PRLR: variants seen among roughly 807,000 people sequenced by gnomAD.
The protein encoded by PRLR is hPRL receptor.
Under a neutral mutation model 40.2 loss-of-function variants are expected in PRLR, and 13 were observed. The ratio of observed to expected loss-of-function variants is 0.32; its 90% confidence interval spans 0.21 to 0.51. PRLR has a LOEUF of 0.51. Ranked by LOEUF, PRLR falls within the 20% of genes least tolerant of loss-of-function variation. The pLI is 0.97. For synonymous variants in PRLR, 269 were observed against 278.7 expected, an observed-to-expected ratio of 0.97 and a Z score of 0.35; for missense variants, 656 against 747.3, an observed-to-expected ratio of 0.88 and a Z score of 1.42.
chr5:35,077,193 C>G (rs1021703680), intron 5 of PRLR, among the ~76,000 whole-genome samples: 33 of 152,144 alleles, frequency 2.2e-4, no homozygotes, highest in Non-Finnish European at 2.9e-4. Flanking sequence ...TCACACAAAA[C>G]AACATTAATC....
chr5:35,132,507 T>G (rs35381631), intron 1 of PRLR, among the ~76,000 whole-genome samples: 4 of 152,246 alleles, frequency 2.6e-5, no homozygotes, highest in Admixed American at 6.5e-5. Context: ...ACCCGTGTTC[T>G]TTTCACATCC....
chr5:35,148,266 A>C (rs1377690802), intron 1 of PRLR, among the ~76,000 whole-genome samples: 1 of 152,172 alleles, frequency 6.6e-6, no homozygotes, highest in Non-Finnish European at 1.5e-5. Context: ...ATTATTCCAT[A>C]CAAACCAACA....
At chr5:35,163,043 G>A (rs1312464208) in intron 1 of PRLR, among the ~76,000 whole-genome samples, 2 of 152,148 alleles carry the variant, frequency 1.3e-5, no homozygotes, top group African/African-American at 4.8e-5. Context: ...CGCACTGGGA[G>A]GAATACACAC....
At chr5:35,214,249 T>C (rs1005567018) in intron 1 of PRLR, among the ~76,000 whole-genome samples, 3 of 152,210 alleles carry the variant, frequency 2.0e-5, no homozygotes, top group Non-Finnish European at 4.4e-5. Context: ...CCTCCATGCT[T>C]ATCAGATCTG....
chr5:35,193,239 T>G (rs544829999), intron 1 of PRLR, among the ~76,000 whole-genome samples: 6 of 152,220 alleles, frequency 3.9e-5, no homozygotes, highest in African/African-American at 1.4e-4. Flanking sequence ...AAAATATATG[T>G]CTCTAGATAA....
intron 1 of PRLR, among the ~76,000 whole-genome samples, chr5:35,225,873 G>C (rs546669632): frequency 5.3e-5 from 8 of 152,206 alleles, no homozygotes; most frequent in African/African-American, 1.7e-4. Context: ...ATAGAGACGG[G>C]GTTTCACCGT....
Position 35,064,984 on chromosome 5 carries a change from G to T in PRLR, c.*105C>A. ...AAATGGAGCATGAAAGGAGCTGGGA[G>T]CTTTAGTAGTGTCAGTCTGACTACA... On this transcript the variant is annotated 3_prime_UTR_variant, in exon 10 of 10. Coordinates refer to ENST00000618457, the MANE Select transcript of PRLR (RefSeq NM_000949.7). 3 of 1,282,358 alleles carry T rather than the reference G, an allele frequency of 2.3e-6. No homozygotes were observed. Among genetic ancestry groups the T allele is most frequent in the Non-Finnish European group, 3.2e-6 (3 of 934,224 alleles). 79.4% of individuals were successfully genotyped at this position (1,282,358 alleles called of 1,614,324 possible). A position where few individuals can be genotyped will look rare whatever the true frequency, so the allele number is the denominator to read the frequency against.
At position 35,116,914 on chromosome 5, in the gene PRLR, T is replaced by A. The variant is rs1346364213; in HGVS notation, c.-44+1147A>T. Reference sequence around the variant, plus strand: ...AAAGCAGTGGTTTTTGGTAGGATAATTTTGTCCCCACCTGGAAGACATTTG... The same window carrying A: ...AAAGCAGTGGTTTTTGGTAGGATAAATTTGTCCCCACCTGGAAGACATTTG... On this transcript the variant is annotated intron_variant, in intron 2 of 9. Coordinates refer to ENST00000618457, the MANE Select transcript of PRLR (RefSeq NM_000949.7). 3.3e-5 allele frequency among the ~76,000 whole-genome samples: 5 copies of A among 152,268 alleles called. No homozygotes were observed. In the East Asian group the frequency reaches 9.7e-4, roughly 29 times the overall value.
intron 1 of PRLR, among the ~76,000 whole-genome samples, chr5:35,204,214 C>CA (rs536343549): frequency 0.13 from 14,284 of 113,872 alleles, 807 homozygotes; most frequent in Non-Finnish European, 0.14. Context: ...ATTTCTGTCT[C>CA]AAAAAAAAAA....
chr5:35,104,052 A>T (rs1240788881), intron 2 of PRLR, among the ~76,000 whole-genome samples: 1 of 152,110 alleles, frequency 6.6e-6, no homozygotes, highest in Admixed American at 6.5e-5. Context: ...GTTCACTTTT[A>T]TATCCCGTAC....
chr5:35,113,645 T>C, intron 2 of PRLR, among the ~76,000 whole-genome samples: 1 of 152,342 alleles, frequency 6.6e-6, no homozygotes, highest in African/African-American at 2.4e-5. Context: ...AATACAATGT[T>C]TTGCTGAAAC....
chr5:35,210,603 C>G (rs1186388779), intron 1 of PRLR, among the ~76,000 whole-genome samples: 1 of 152,214 alleles, frequency 6.6e-6, no homozygotes, highest in African/African-American at 2.4e-5. Flanking sequence ...TTATTTAGCT[C>G]ATTATGCTAA....
chr5:35,142,153 A>G (rs1009696902), intron 1 of PRLR, among the ~76,000 whole-genome samples: 1 of 152,254 alleles, frequency 6.6e-6, no homozygotes, highest in African/African-American at 2.4e-5. Context: ...TAGGTTGGCC[A>G]AACAAAAAAC....
intron 1 of PRLR, among the ~76,000 whole-genome samples, chr5:35,188,283 G>T: frequency 7.4e-6 from 1 of 135,220 alleles, no homozygotes; most frequent in South Asian, 2.1e-4. Flanking sequence ...TCACATAAAA[G>T]ATCAACATAC....
chr5:35,169,132 C>T lies in PRLR; in HGVS notation c.-105-51010G>A, dbSNP rs180872696. Among the ~76,000 whole-genome samples, 207 of 152,262 alleles carry T rather than the reference C, an allele frequency of 1.4e-3. 4 individuals carry two copies. In the East Asian group the frequency reaches 0.027, roughly 20 times the overall value. On this transcript the variant is annotated intron_variant, in intron 1 of 9. Transcript: ENST00000618457. ...TAATGCTAGGTTTTGTATAGGCTTT[C>T]ATTCCAGCAAGAACAACGAAGAACT...
intron 1 of PRLR, among the ~76,000 whole-genome samples, chr5:35,193,185 C>T (rs1775651174): frequency 6.6e-6 from 1 of 152,116 alleles, no homozygotes; most frequent in Admixed American, 6.5e-5. Context: ...TGTATAGTGA[C>T]CCTCAACTCC....
chr5:35,102,497 A>ACTACT (rs1771955231), intron 2 of PRLR, among the ~76,000 whole-genome samples: 1 of 68,770 alleles, frequency 1.5e-5, no homozygotes, highest in Non-Finnish European at 3.5e-5. Context: ...TCTCCTCTCC[A>ACTACT]CTCCTCTCCT....
At chr5:35,159,622 T>C (rs1774615670) in intron 1 of PRLR, among the ~76,000 whole-genome samples, 1 of 152,208 alleles carries the variant, frequency 6.6e-6, no homozygotes, top group Admixed American at 6.5e-5. Flanking sequence ...ACCCAAGGAA[T>C]GTGGCAAATT....
chr5:35,226,546 A>G (rs958651829), intron 1 of PRLR, among the ~76,000 whole-genome samples: 7 of 152,234 alleles, frequency 4.6e-5, no homozygotes, highest in African/African-American at 1.7e-4. Flanking sequence ...TTCAGACTTT[A>G]AGCTTTACTG....
Sources: gnomAD v4.1 joint callset for allele counts (sites outside exome capture counted in the v4.1 genomes callset) on GRCh38, gnomAD v4.1.1 for gene constraint, MANE v1.5 for transcripts, NCBI Gene and HGNC (gene_info 2026-07-23, HGNC 2026-07-21) for gene names.